PACRG: variants seen among roughly 807,000 people sequenced by gnomAD.
PACRG encodes parkin coregulated gene protein.
Under a neutral mutation model 29.7 loss-of-function variants are expected in PACRG, and 29 were observed. That is an observed-to-expected ratio of 0.98 (90% CI 0.73 to 1.33). The LOEUF (loss-of-function observed/expected upper bound fraction) is 1.33, where lower values mean the gene tolerates loss of function less well. Among genes scored for constraint, PACRG ranks in the 40% most tolerant of loss-of-function variants. The pLI is 0.00. For missense variants in PACRG, 279 were observed against 316.2 expected, an observed-to-expected ratio of 0.88 and a Z score of 0.89; for synonymous variants, 116 against 118.7, an observed-to-expected ratio of 0.98 and a Z score of 0.15.
At chr6:163,152,045 T>C (rs1263501420) in intron 4 of PACRG, among the ~76,000 whole-genome samples, 1 of 152,226 alleles carries the variant, frequency 6.6e-6, no homozygotes, top group Non-Finnish European at 1.5e-5. Flanking sequence ...ACTTCCCAGC[T>C]GTGTGCAGAA....
chr6:163,107,326 A>G (rs1815438900), intron 4 of PACRG, among the ~76,000 whole-genome samples: 1 of 152,208 alleles, frequency 6.6e-6, no homozygotes, highest in South Asian at 2.1e-4. Flanking sequence ...CATTGAAAAT[A>G]AAGGCCACAA....
chr6:162,829,077 T>C (rs538101757), intron 2 of PACRG, among the ~76,000 whole-genome samples: 1 of 152,350 alleles, frequency 6.6e-6, no homozygotes, highest in East Asian at 1.9e-4. Context: ...AAGAAAAACC[T>C]AAATAGCCAA....
chr6:162,747,990 G>A (rs141210032), intron 1 of PACRG, among the ~76,000 whole-genome samples: 53 of 152,228 alleles, frequency 3.5e-4, no homozygotes, highest in African/African-American at 1.2e-3. Context: ...CTGCTGTGCT[G>A]ATGTTAGCAC....
At chr6:163,128,921 A>G (rs922853888) in intron 4 of PACRG, among the ~76,000 whole-genome samples, 3 of 152,238 alleles carry the variant, frequency 2.0e-5, no homozygotes, top group African/African-American at 4.8e-5. Context: ...GATTTGATAT[A>G]TATCTCATCC....
chr6:163,095,559 C>G (rs1814498810), intron 4 of PACRG: 4 of 558,386 alleles, frequency 7.2e-6, no homozygotes, highest in Middle Eastern at 8.6e-4. Context: ...AGGGCCAGCT[C>G]TCACTGCAGG....
At chr6:163,078,005 C>T (rs867937841) in intron 3 of PACRG, among the ~76,000 whole-genome samples, 2 of 152,124 alleles carry the variant, frequency 1.3e-5, no homozygotes, top group Admixed American at 6.5e-5. Context: ...ATTTTCAAGC[C>T]GAATCCGCCG....
intron 1 of PACRG, among the ~76,000 whole-genome samples, chr6:162,744,459 G>A (rs1163240174): frequency 6.6e-6 from 1 of 152,100 alleles, no homozygotes; most frequent in Admixed American, 6.6e-5. Context: ...GCCAGGCATT[G>A]TGGCACATAA....
intron 4 of PACRG, among the ~76,000 whole-genome samples, chr6:163,281,787 C>T (rs1039018086): frequency 4.6e-5 from 7 of 152,006 alleles, no homozygotes; most frequent in African/African-American, 1.7e-4. Context: ...ATCTTTTGAT[C>T]TAGTAATTCA....
intron 2 of PACRG, among the ~76,000 whole-genome samples, chr6:163,006,222 A>G (rs376191266): frequency 1.5e-5 from 2 of 135,718 alleles, no homozygotes; most frequent in African/African-American, 2.9e-5. Context: ...ATATATATAT[A>G]TGTATATATA....
intron 1 of PACRG, among the ~76,000 whole-genome samples, chr6:162,760,307 T>A (rs1235639458): frequency 6.6e-6 from 1 of 152,188 alleles, no homozygotes; most frequent in African/African-American, 2.4e-5. Flanking sequence ...AAGGCAGCAC[T>A]TTCATCACAT....
chr6:163,163,264 T>TTTG (rs746568590), intron 4 of PACRG, among the ~76,000 whole-genome samples: 7 of 152,232 alleles, frequency 4.6e-5, no homozygotes, highest in African/African-American at 9.6e-5. Context: ...TTTGTTGTTT[T>TTTG]TTGTTGTTGT....
intron 4 of PACRG, among the ~76,000 whole-genome samples, chr6:163,157,626 A>C (rs1015282853): frequency 6.6e-6 from 1 of 152,204 alleles, no homozygotes; most frequent in Non-Finnish European, 1.5e-5. Flanking sequence ...TTGCTCTCAC[A>C]CTAATATAAG....
chr6:162,737,044 A>G (rs892142621), intron 1 of PACRG, among the ~76,000 whole-genome samples: 1 of 152,204 alleles, frequency 6.6e-6, no homozygotes, highest in Non-Finnish European at 1.5e-5. Flanking sequence ...TCCTTGAAAT[A>G]CAATTTCTGA....
In PACRG at chr6:162,923,204, G is replaced by T. The variant is rs1236882211; in HGVS notation, c.291+108923G>T. Among the ~76,000 whole-genome samples the T allele has an allele frequency of 2.6e-5, 4 of 152,146 alleles. No homozygotes were observed. In the East Asian group the frequency reaches 7.7e-4, roughly 29 times the overall value. ...TCAGGAATGTTTATTCAGATCCTTT[G>T]CCCATTCTAAAAGTCAGATGAGTTT... On this transcript the variant is annotated intron_variant, in intron 2 of 4. Coordinates refer to ENST00000366888, the MANE Select transcript of PACRG (RefSeq NM_001080379.2).
intron 1 of PACRG, among the ~76,000 whole-genome samples, chr6:162,796,649 T>G (rs1785404543): frequency 6.6e-6 from 1 of 152,054 alleles, no homozygotes; most frequent in Non-Finnish European, 1.5e-5. Context: ...TTTGTCTGGT[T>G]AAATATAGTT....
chr6:162,935,568 C>A (rs541179971), intron 2 of PACRG, among the ~76,000 whole-genome samples: 1 of 151,188 alleles, frequency 6.6e-6, no homozygotes, highest in African/African-American at 2.4e-5. Context: ...TATGCTATTT[C>A]TTTTTTAAAA....
chr6:162,802,005 C>T (rs1270718391), intron 1 of PACRG, among the ~76,000 whole-genome samples: 3 of 152,150 alleles, frequency 2.0e-5, no homozygotes, highest in Non-Finnish European at 4.4e-5. Context: ...CCTGTAGGTA[C>T]TCTGTAAAGG....
intron 4 of PACRG, among the ~76,000 whole-genome samples, chr6:163,154,188 CGT>C (rs1453442541): frequency 6.6e-6 from 1 of 152,138 alleles, no homozygotes; most frequent in African/African-American, 2.4e-5. Flanking sequence ...CGGAGCTGGA[CGT>C]GCCCCCAGGG....
chr6:163,253,587 C>T (rs1242089246), intron 4 of PACRG, among the ~76,000 whole-genome samples: 1 of 152,086 alleles, frequency 6.6e-6, no homozygotes. Flanking sequence ...AGAATTTAGC[C>T]ATGTTGTATA....
Sources: gnomAD v4.1 joint callset for allele counts (sites outside exome capture counted in the v4.1 genomes callset) on GRCh38, gnomAD v4.1.1 for gene constraint, MANE v1.5 for transcripts, NCBI Gene and HGNC (gene_info 2026-07-23, HGNC 2026-07-21) for gene names.